DSCAM: variants seen among roughly 807,000 people sequenced by gnomAD.
DSCAM encodes cell adhesion molecule DSCAM.
In DSCAM, 47 loss-of-function variants were observed where a neutral mutation model predicts 217.7. The observed-to-expected ratio is 0.22, with a 90% CI of 0.17 to 0.28. The LOEUF is 0.28. Ranked by LOEUF, DSCAM falls within the 10% of genes least tolerant of loss-of-function variation. DSCAM has a pLI of 1.00. For missense variants in DSCAM, 2,080 were observed against 2,618.3 expected, an observed-to-expected ratio of 0.79 and a Z score of 4.49; for synonymous variants, 1,056 against 1,015.3, an observed-to-expected ratio of 1.04 and a Z score of -0.76.
intron 3 of DSCAM, among the ~76,000 whole-genome samples, chr21:40,686,217 A>ACACACACACAACCTC (rs2090474201): frequency 6.8e-6 from 1 of 146,698 alleles, no homozygotes. Flanking sequence ...CCACACACAC[A>ACACACACACAACCTC]CACACACACA....
At chr21:40,726,043 G>C (rs575465688) in intron 1 of DSCAM, among the ~76,000 whole-genome samples, 1 of 152,244 alleles carries the variant, frequency 6.6e-6, no homozygotes, top group South Asian at 2.1e-4. Context: ...GAATAACTGT[G>C]AACGATAACA....
At chr21:40,020,330 C>T (rs2989338) in intron 32 of DSCAM, among the ~76,000 whole-genome samples, 151,941 of 152,326 alleles carry the variant, frequency 1, 75,778 homozygotes, top group Middle Eastern at 1. Context: ...CAGTCTCAGG[C>T]AACATGAAAA....
chr21:40,609,284 C>CATT (rs1568935474), intron 3 of DSCAM, among the ~76,000 whole-genome samples: 1 of 152,144 alleles, frequency 6.6e-6, no homozygotes, highest in East Asian at 1.9e-4. Flanking sequence ...ACGATTTTGC[C>CATT]GTTGTTGTTT....
intron 1 of DSCAM, among the ~76,000 whole-genome samples, chr21:40,798,476 T>A (rs1471343837): frequency 6.6e-6 from 1 of 152,090 alleles, no homozygotes; most frequent in Non-Finnish European, 1.5e-5. Context: ...GCCTAGCATT[T>A]ATAAAAGCTT....
chr21:40,213,903 C>A (rs942548262), intron 11 of DSCAM, among the ~76,000 whole-genome samples: 8 of 152,208 alleles, frequency 5.3e-5, no homozygotes, highest in Non-Finnish European at 7.3e-5. Flanking sequence ...TCATCCTTTC[C>A]GCATCTTCTG....
At chr21:40,786,303 A>G (rs992686295) in intron 1 of DSCAM, among the ~76,000 whole-genome samples, 24 of 151,898 alleles carry the variant, frequency 1.6e-4, no homozygotes, top group Admixed American at 7.9e-4. Flanking sequence ...AGGAAGGAAG[A>G]AAGAAAGAGG....
chr21:40,270,632 T>C (rs2073602967), intron 11 of DSCAM, among the ~76,000 whole-genome samples: 1 of 152,304 alleles, frequency 6.6e-6, no homozygotes, highest in East Asian at 1.9e-4. Flanking sequence ...CAATTTTAAT[T>C]CCAGTGTTGG....
chr21:40,640,960 G>C (rs1427630528), intron 3 of DSCAM, among the ~76,000 whole-genome samples: 1 of 152,114 alleles, frequency 6.6e-6, no homozygotes, highest in Non-Finnish European at 1.5e-5. Context: ...CCTACTTTCG[G>C]AAAGAAATAT....
At chr21:40,644,051 C>T (rs2089915071) in intron 3 of DSCAM, among the ~76,000 whole-genome samples, 1 of 152,172 alleles carries the variant, frequency 6.6e-6, no homozygotes, top group Non-Finnish European at 1.5e-5. Flanking sequence ...TTCCCAAGCC[C>T]CAGCCCAGAC....
intron 11 of DSCAM, among the ~76,000 whole-genome samples, chr21:40,262,985 G>C (rs1217160198): frequency 6.6e-6 from 1 of 152,134 alleles, no homozygotes; most frequent in Non-Finnish European, 1.5e-5. Flanking sequence ...ACATAATTAA[G>C]AGTCCAATAG....
intron 18 of DSCAM, among the ~76,000 whole-genome samples, chr21:40,137,162 G>A (rs1253621948): frequency 2.3e-5 from 3 of 128,540 alleles, no homozygotes; most frequent in Admixed American, 9.0e-5. Flanking sequence ...GCGACAGAGC[G>A]AGACTCTGTC....
At chr21:40,781,701 T>C (rs1168552742) in intron 1 of DSCAM, among the ~76,000 whole-genome samples, 1 of 152,116 alleles carries the variant, frequency 6.6e-6, no homozygotes, top group Non-Finnish European at 1.5e-5. Flanking sequence ...TAACTTTTCT[T>C]TGCATTTCCA....
At chr21:40,203,724 GT>G (rs1409928877) in intron 11 of DSCAM, among the ~76,000 whole-genome samples, 4 of 152,008 alleles carry the variant, frequency 2.6e-5, no homozygotes, top group Non-Finnish European at 5.9e-5. Context: ...TATAAGGTTA[GT>G]TTTTTTTCTA....
intron 3 of DSCAM, among the ~76,000 whole-genome samples, chr21:40,474,145 T>C (rs1219048604): frequency 6.6e-6 from 1 of 151,768 alleles, no homozygotes; most frequent in Non-Finnish European, 1.5e-5. Flanking sequence ...ATACAACAAT[T>C]AGCTGGGTGT....
intron 11 of DSCAM, among the ~76,000 whole-genome samples, chr21:40,247,969 C>T (rs1317848734): frequency 1.3e-5 from 2 of 152,214 alleles, no homozygotes; most frequent in Non-Finnish European, 2.9e-5. Context: ...TGTGCACCCA[C>T]AGGCTCAACA....
At chr21:40,414,443 C>T (rs2075351925) in intron 3 of DSCAM, among the ~76,000 whole-genome samples, 1 of 152,108 alleles carries the variant, frequency 6.6e-6, no homozygotes, top group South Asian at 2.1e-4. Flanking sequence ...CAACGCATAC[C>T]TCCTAGAATA....
intron 3 of DSCAM, among the ~76,000 whole-genome samples, chr21:40,417,345 A>G (rs567752378): frequency 1.6e-4 from 24 of 152,304 alleles, no homozygotes; most frequent in Non-Finnish European, 3.4e-4. Context: ...CTCGTCATTT[A>G]CAGATTTAAT....
chr21:40,792,707 C>G (rs2091656724), intron 1 of DSCAM, among the ~76,000 whole-genome samples: 1 of 152,164 alleles, frequency 6.6e-6, no homozygotes, highest in East Asian at 1.9e-4. Flanking sequence ...GTATGGAAGC[C>G]TATGATACCT....
At chr21:40,378,256 T>C (rs2074982511) in intron 3 of DSCAM, among the ~76,000 whole-genome samples, 1 of 152,168 alleles carries the variant, frequency 6.6e-6, no homozygotes, top group African/African-American at 2.4e-5. Context: ...AACAAATCAA[T>C]GTAAATTAAA....
Sources: allele counts gnomAD v4.1 joint callset (sites outside exome capture counted in the v4.1 genomes callset), GRCh38; gene constraint gnomAD v4.1.1; transcripts MANE v1.5; gene names NCBI Gene and HGNC (gene_info 2026-07-23, HGNC 2026-07-21).